SLC16A7: variants seen among roughly 807,000 people sequenced by gnomAD.
The protein encoded by SLC16A7 is monocarboxylate transporter 2.
In SLC16A7, 33 loss-of-function variants were observed where a neutral mutation model predicts 34.9. The observed-to-expected ratio is 0.94, with a 90% CI of 0.72 to 1.26. SLC16A7 has a LOEUF of 1.26. SLC16A7 is among the 50% of genes most tolerant of loss of function. The probability of loss-of-function intolerance (pLI) is 0.00; values close to 1 mark genes in which losing one functional copy is unlikely to be tolerated. For synonymous variants in SLC16A7, 201 were observed against 206.6 expected (o/e 0.97, Z 0.23); for missense variants, 573 against 578.1 (o/e 0.99, Z 0.09).
chr12:59,751,223 A>G lies in SLC16A7; in HGVS notation c.218-19996A>G, dbSNP rs189827842. ...CATTTCCATCTGAGGTACTGGGTTC[A>G]TCTCACTAGGGAGTGCCAGACAGTG... On this transcript the variant is annotated intron_variant, in intron 3 of 5. Coordinates refer to ENST00000547379, the MANE Select transcript of SLC16A7 (RefSeq NM_001270623.2). Among the ~76,000 whole-genome samples the G allele has an allele frequency of 2.4e-3, 361 of 152,340 alleles. 1 individual carries two copies. Among genetic ancestry groups the G allele is most frequent in the African/African-American group, 7.3e-3 (302 of 41,586 alleles).
intron 3 of SLC16A7, chr12:59,734,003 T>C: frequency 5.7e-6 from 2 of 348,966 alleles, no homozygotes; most frequent in South Asian, 4.3e-5. Flanking sequence ...TGGGCAGCCA[T>C]GGGTGGGCCT....
intron 3 of SLC16A7, among the ~76,000 whole-genome samples, chr12:59,706,427 T>G (rs989695897): frequency 6.6e-6 from 1 of 152,092 alleles, no homozygotes; most frequent in Non-Finnish European, 1.5e-5. Context: ...ACTTTTTATA[T>G]ATAGTGACTT....
At chr12:59,678,424 G>A (rs115368662) in intron 2 of SLC16A7, among the ~76,000 whole-genome samples, 10,830 of 152,144 alleles carry the variant, frequency 0.071, 433 homozygotes, top group Middle Eastern at 0.17. Flanking sequence ...AGCTTGTCCC[G>A]ATGAGTGTTC....
At chr12:59,666,195 A>C (rs968522853) in intron 2 of SLC16A7, among the ~76,000 whole-genome samples, 1 of 152,146 alleles carries the variant, frequency 6.6e-6, no homozygotes, top group Non-Finnish European at 1.5e-5. Flanking sequence ...TGAAAAGTCG[A>C]GTTGATGGTT....
At chr12:59,610,989 CT>C (rs1464114707) in intron 1 of SLC16A7, among the ~76,000 whole-genome samples, 1 of 152,112 alleles carries the variant, frequency 6.6e-6, no homozygotes, top group Non-Finnish European at 1.5e-5. Flanking sequence ...GATTCAGTGT[CT>C]GGTGGCCTGC....
chr12:59,767,990 GT>G lies in SLC16A7; in HGVS notation c.218-3228del, dbSNP rs1178866625. ...GATAGCATTAGGAGATATACCTAAT[GT>G]AAATGAGGAGTTAATGGATGCAGCA... On this transcript the variant is annotated intron_variant, in intron 3 of 5. Coordinates refer to ENST00000547379, the MANE Select transcript of SLC16A7 (RefSeq NM_001270623.2). 5.9e-5 allele frequency: 20 copies of G among 340,662 alleles called. No homozygotes were observed. The East Asian group carries it at 1.6e-3, about 27-fold the overall frequency. 21.1% of individuals were successfully genotyped at this position (340,662 alleles called of 1,614,324 possible).
chr12:59,729,314 G>C (rs927820646), intron 3 of SLC16A7, among the ~76,000 whole-genome samples: 2 of 151,882 alleles, frequency 1.3e-5, no homozygotes, highest in Non-Finnish European at 3.0e-5. Flanking sequence ...GCCCAGGTGG[G>C]CATTGTCTTT....
At chr12:59,680,454 G>T (rs1250585794) in intron 2 of SLC16A7, among the ~76,000 whole-genome samples, 4 of 152,206 alleles carry the variant, frequency 2.6e-5, no homozygotes, top group Non-Finnish European at 5.9e-5. Context: ...GAAGGAGGCA[G>T]ATAGGAGAGA....
At chr12:59,635,394 T>C (rs1474293945) in intron 1 of SLC16A7, among the ~76,000 whole-genome samples, 1 of 152,082 alleles carries the variant, frequency 6.6e-6, no homozygotes, top group Non-Finnish European at 1.5e-5. Context: ...ATTCCTCAGT[T>C]TTATATACAA....
At position 59,603,382 on chromosome 12, in the gene SLC16A7, T is replaced by C. The variant is rs1048310993; in HGVS notation, c.-130+7146T>C. Reference sequence around the variant, plus strand: ...CCATGTTCATCTCCCACTACCATCATACTCAACTCAAATGGAACTGTCCTC... The same window carrying C: ...CCATGTTCATCTCCCACTACCATCACACTCAACTCAAATGGAACTGTCCTC... On this transcript the variant is annotated intron_variant, in intron 1 of 5. Transcript: ENST00000547379. Among the ~76,000 whole-genome samples, 77 of 152,330 alleles carry C rather than the reference T, an allele frequency of 5.1e-4. 1 individual carries two copies. The highest frequency in any genetic ancestry group is 1.7e-3 in the African/African-American group (72 of 41,580).
In SLC16A7 at chr12:59,771,266, G is replaced by T; in HGVS notation, c.265G>T (p.Val89Leu). Residue 89 changes from valine to leucine, a missense_variant, in exon 4 of 6, where the codon GTG becomes TTG. By Grantham distance (32) the Val-to-Leu change is conservative. Transcript: ENST00000547379. ...GAATAAATACGGCAGCCGGCCGGTG[G>T]TGATAGCAGGAGGCTTATTATGCTG... ...LVNKYGSRPV[V>L]IAGGLLCCLG... 2.5e-6 allele frequency: 4 copies of T among 1,613,480 alleles called. No homozygotes were observed. Among genetic ancestry groups the T allele is most frequent in the Non-Finnish European group, 3.4e-6 (4 of 1,179,630 alleles).
intron 3 of SLC16A7, among the ~76,000 whole-genome samples, chr12:59,716,472 G>A (rs1029284002): frequency 1.3e-5 from 2 of 152,192 alleles, no homozygotes; most frequent in Admixed American, 6.5e-5. Context: ...TGTGTGTGCA[G>A]GCGATTTGGA....
chr12:59,671,716 G>GTA (rs987980699), intron 2 of SLC16A7, among the ~76,000 whole-genome samples: 4 of 143,906 alleles, frequency 2.8e-5, no homozygotes, highest in East Asian at 2.0e-4. Context: ...ATATATATGT[G>GTA]TATATATATG....
At chr12:59,671,665 T>G (rs1869703163) in intron 2 of SLC16A7, among the ~76,000 whole-genome samples, 1 of 138,934 alleles carries the variant, frequency 7.2e-6, no homozygotes, top group Admixed American at 7.5e-5. Flanking sequence ...TCTTTCTCTC[T>G]CTCTCTCTCT....
intron 3 of SLC16A7, among the ~76,000 whole-genome samples, chr12:59,761,829 G>C (rs758240400): frequency 1.2e-4 from 19 of 152,102 alleles, no homozygotes; most frequent in Non-Finnish European, 2.4e-4. Flanking sequence ...TGTTCCCTTG[G>C]TTTCAAGGCT....
chr12:59,655,361 G>C (rs1338820783), intron 2 of SLC16A7, 111 bp downstream of exon 2: 1 of 151,888 alleles, frequency 6.6e-6, no homozygotes, highest in African/African-American at 2.4e-5. Flanking sequence ...CATGACTACT[G>C]TTTTAATCCA....
chr12:59,631,850 G>A (rs1565625073), intron 1 of SLC16A7, among the ~76,000 whole-genome samples: 1 of 151,952 alleles, frequency 6.6e-6, no homozygotes, highest in Non-Finnish European at 1.5e-5. Context: ...AGATGGTTGG[G>A]AAAGTAAATA....
chr12:59,675,375 ATCTC>A (rs1253757111), intron 2 of SLC16A7, among the ~76,000 whole-genome samples: 1 of 152,112 alleles, frequency 6.6e-6, no homozygotes, highest in Non-Finnish European at 1.5e-5. Context: ...AGAGAACTTG[ATCTC>A]TCTCACTCTT....
At chr12:59,719,534 A>G (rs904732099) in intron 3 of SLC16A7, among the ~76,000 whole-genome samples, 1 of 152,148 alleles carries the variant, frequency 6.6e-6, no homozygotes, top group African/African-American at 2.4e-5. Flanking sequence ...TAATAAATAA[A>G]CTTTAGATAA....
Sources: allele counts gnomAD v4.1 joint callset (sites outside exome capture counted in the v4.1 genomes callset), GRCh38; gene constraint gnomAD v4.1.1; transcripts MANE v1.5; gene names NCBI Gene and HGNC (gene_info 2026-07-23, HGNC 2026-07-21).